The following CRACD variants were observed in gnomAD, a reference collection of about 807,000 sequenced individuals.
CRACD encodes the protein capping protein-inhibiting regulator of actin dynamics.
A neutral mutation model predicts 106.8 loss-of-function variants in CRACD; 56 were observed. The observed-to-expected ratio is 0.52, with a 90% confidence interval of 0.42 to 0.66. The LOEUF is 0.66. Ranked by LOEUF, CRACD falls within the 30% of genes least tolerant of loss-of-function variation. The pLI is 0.00. For synonymous variants in CRACD, 754 were observed against 670.8 expected (o/e 1.12, Z -1.92); for missense variants, 1,730 against 1,623.2 (o/e 1.07, Z -1.13).
intron 8 of CRACD, among the ~76,000 whole-genome samples, chr4:56,319,203 G>T (rs1447467193): frequency 6.6e-6 from 1 of 152,016 alleles, no homozygotes; most frequent in Non-Finnish European, 1.5e-5. Context: ...GCCCCACATA[G>T]CCTTCCCAGC....
Position 56,150,890 on chromosome 4 carries a change from G to A in CRACD, c.-335-28394G>A, listed in dbSNP as rs574703668. Among the ~76,000 whole-genome samples, 3 of 152,290 alleles carry A rather than the reference G, an allele frequency of 2.0e-5. No homozygotes were observed. The South Asian group carries it at 6.2e-4, about 32-fold the overall frequency. ...TCCAGGAGTGCAATTGTTGAGTCATGGGGGATGTGTGTCTTCAATTTTATT... is the reference window on the plus strand; with the variant it reads ...TCCAGGAGTGCAATTGTTGAGTCATAGGGGATGTGTGTCTTCAATTTTATT... On this transcript the variant is annotated intron_variant, in intron 1 of 10. Transcript: ENST00000682029.
At chr4:56,255,746 C>G (rs796257875) in intron 2 of CRACD, among the ~76,000 whole-genome samples, 3 of 152,294 alleles carry the variant, frequency 2.0e-5, no homozygotes, top group African/African-American at 7.2e-5. Flanking sequence ...TAAGTTGTTG[C>G]ATCTGACCTC....
rs149208460 is a variant in CRACD, at chr4:56,117,629, G to T, written c.-335-61655G>T. On this transcript the variant is annotated intron_variant, in intron 1 of 10. Transcript: ENST00000682029. ...ATGGTGATGGTCACACAGCATCATG[G>T]ACGTGTTTAATACCACTGAACTGTA... Among the ~76,000 whole-genome samples, 191 of 152,300 alleles carry T rather than the reference G, an allele frequency of 1.3e-3. 2 individuals carry two copies. Among genetic ancestry groups the T allele is most frequent in the African/African-American group, 4.3e-3 (179 of 41,562 alleles).
intron 1 of CRACD, among the ~76,000 whole-genome samples, chr4:56,083,770 G>A (rs987080889): frequency 1.3e-5 from 2 of 152,066 alleles, no homozygotes; most frequent in Non-Finnish European, 2.9e-5. Context: ...GAGCCCAGGA[G>A]TTTGAGACCA....
chr4:56,317,705 T>G (rs962435377), intron 8 of CRACD, among the ~76,000 whole-genome samples: 3 of 152,062 alleles, frequency 2.0e-5, no homozygotes, highest in African/African-American at 7.2e-5. Flanking sequence ...CTGTCTCCAT[T>G]TTATGTAAAA....
Position 56,224,203 on chromosome 4 carries a change from A to G in CRACD, c.-189+44773A>G, listed in dbSNP as rs143817419. Among the ~76,000 whole-genome samples the G allele has an allele frequency of 1.7e-3, 254 of 151,584 alleles. 1 individual carries two copies. The highest frequency in any genetic ancestry group is 5.5e-3 in the African/African-American group (228 of 41,310). On this transcript the variant is annotated intron_variant, in intron 2 of 10. Transcript: ENST00000682029. ...CCAAGTTAAGAAGAATGACATCTTT[A>G]TGATGTCAGTTTTTCCTATCTGAGG...
intron 1 of CRACD, among the ~76,000 whole-genome samples, chr4:56,071,173 C>G (rs1732635246): frequency 6.6e-6 from 1 of 152,102 alleles, no homozygotes; most frequent in Admixed American, 6.6e-5. Flanking sequence ...TTTGGTAAGA[C>G]TTTTATTCTC....
intron 1 of CRACD, among the ~76,000 whole-genome samples, chr4:56,100,607 T>C (rs1733746438): frequency 6.6e-6 from 1 of 152,192 alleles, no homozygotes. Flanking sequence ...ATAAGGTCTT[T>C]ACAGAGGTAA....
At chr4:56,097,073 C>CCTTAGACAAG (rs1733621488) in intron 1 of CRACD, among the ~76,000 whole-genome samples, 1 of 152,064 alleles carries the variant, frequency 6.6e-6, no homozygotes, top group African/African-American at 2.4e-5. Context: ...AGGCCTGGTG[C>CCTTAGACAAG]ACAAAGTTGG....
At chr4:56,220,518 T>G (rs563023285) in intron 2 of CRACD, among the ~76,000 whole-genome samples, 184 of 152,284 alleles carry the variant, frequency 1.2e-3, no homozygotes, top group African/African-American at 4.3e-3. Context: ...TGGTGTGCTG[T>G]GTGACTAATA....
rs756096374 is a variant in CRACD, at chr4:56,314,434, GC to G, written c.933del (p.Glu312SerfsTer112). ...EDAERREREE[R>X]ERLEAEEERR... ...GCGGAGCGGAGGGAGCGTGAGGAGC[GC>G]GAGCGCCTGGAGGCGGAGGAGGAGC... On this transcript the variant is annotated frameshift_variant, in exon 8 of 11. Transcript: ENST00000682029. LOFTEE classifies it high-confidence loss of function. The surrounding 1 kb of genome is among the most constrained non-coding windows in gnomAD (Gnocchi z 4.4). The G allele has an allele frequency of 3.9e-6, 6 of 1,540,674 alleles. No individual in the cohort carries two copies. The highest frequency in any genetic ancestry group is 2.4e-5 in the South Asian group (2 of 83,454).
chr4:56,061,388 T>A (rs1476571356), intron 1 of CRACD, among the ~76,000 whole-genome samples: 1 of 152,120 alleles, frequency 6.6e-6, no homozygotes. Context: ...CCTAGGATGG[T>A]CTTGAACTCC....
intron 3 of CRACD, among the ~76,000 whole-genome samples, chr4:56,294,833 G>C (rs1743898642): frequency 7.0e-6 from 1 of 143,224 alleles, no homozygotes; most frequent in South Asian, 2.2e-4. Flanking sequence ...AGAATTGCTT[G>C]AACCCAGAAG....
intron 3 of CRACD, among the ~76,000 whole-genome samples, chr4:56,287,545 T>A (rs1743443907): frequency 6.6e-6 from 1 of 152,148 alleles, no homozygotes; most frequent in Non-Finnish European, 1.5e-5. Context: ...CCTCCCACAG[T>A]GCTGGGATTA....
At chr4:56,137,833 A>G (rs1025098301) in intron 1 of CRACD, among the ~76,000 whole-genome samples, 1 of 152,218 alleles carries the variant, frequency 6.6e-6, no homozygotes, top group Non-Finnish European at 1.5e-5. Flanking sequence ...AGCTCAGGCA[A>G]TAGAGCAAGA....
intron 1 of CRACD, among the ~76,000 whole-genome samples, chr4:56,156,905 A>C (rs1428613319): frequency 6.6e-6 from 1 of 152,182 alleles, no homozygotes; most frequent in East Asian, 1.9e-4. Context: ...TACCACTAGA[A>C]TGTATGTTCT....
intron 1 of CRACD, among the ~76,000 whole-genome samples, chr4:56,139,260 A>C (rs953546685): frequency 1.3e-5 from 2 of 152,096 alleles, no homozygotes; most frequent in Admixed American, 6.6e-5. Context: ...AGCAAGAAAA[A>C]ACCTTGGTTT....
intron 1 of CRACD, among the ~76,000 whole-genome samples, chr4:56,144,675 A>G (rs569348231): frequency 2.1e-4 from 27 of 129,094 alleles, no homozygotes; most frequent in African/African-American, 7.5e-4. Context: ...TTTTTTTTTG[A>G]AATGGAGTCT....
chr4:56,315,820 C>T lies in CRACD; in HGVS notation c.2318C>T (p.Pro773Leu), dbSNP rs1461536855. ...GGTGTTCGCGAGCTCGGGAAGGGTC[C>T]GGAGAAGTCGGAGATGCACCGGGAG... ...PAGVRELGKG[P>L]EKSEMHREPA... is the part of the protein sequence containing the mutation. Residue 773 changes from proline (P) to leucine (L), a missense_variant, in exon 8 of 11, where the codon CCG becomes CTG. By Grantham distance (98) the Pro-to-Leu change is moderately conservative. Transcript: ENST00000682029. This position sits in a 1 kb window ranked among gnomAD's most constrained non-coding sequence, Gnocchi z 4.1. 9 of 1,614,174 alleles carry T rather than the reference C, an allele frequency of 5.6e-6. No homozygotes were observed. The highest frequency in any genetic ancestry group is 5.5e-5 in the South Asian group (5 of 91,082).
Sources: gnomAD v4.1 joint callset for allele counts (sites outside exome capture counted in the v4.1 genomes callset) on GRCh38, gnomAD v4.1.1 for gene constraint, Gnocchi (gnomAD v3.1) non-coding constraint, MANE v1.5 for transcripts, NCBI Gene and HGNC (gene_info 2026-07-23, HGNC 2026-07-21) for gene names.